The following FMN1 variants were observed in gnomAD, a reference collection of about 807,000 sequenced individuals.
The protein encoded by FMN1 is formin-1.
A neutral mutation model predicts 132.4 loss-of-function variants in FMN1; 110 were observed. The observed-to-expected ratio is 0.83, with a 90% CI of 0.71 to 0.97. The LOEUF is 0.97. FMN1 is among the 50% of genes least tolerant of loss of function. FMN1 has a pLI of 0.00. For synonymous variants in FMN1, 722 were observed against 651.7 expected (o/e 1.11, Z -1.64); for missense variants, 1,792 against 1,705.3 (o/e 1.05, Z -0.90).
At chr15:33,058,769 T>C (rs1482889681) in intron 6 of FMN1, among the ~76,000 whole-genome samples, 3 of 152,206 alleles carry the variant, frequency 2.0e-5, no homozygotes, top group Admixed American at 2.0e-4. Flanking sequence ...TAATTTTTTA[T>C]TGACAAATCA....
intron 6 of FMN1, among the ~76,000 whole-genome samples, chr15:33,019,502 G>A (rs1054602954): frequency 6.6e-6 from 1 of 152,208 alleles, no homozygotes; most frequent in African/African-American, 2.4e-5. Flanking sequence ...CCCTTGGGCG[G>A]TCGATGGGAC....
intron 15 of FMN1, among the ~76,000 whole-genome samples, chr15:32,898,060 T>C (rs1173634618): frequency 6.6e-6 from 1 of 152,100 alleles, no homozygotes; most frequent in Non-Finnish European, 1.5e-5. Context: ...GAAGAAAGTA[T>C]TATGGAGTTC....
chr15:32,852,930 C>T (rs2059042681), intron 17 of FMN1, among the ~76,000 whole-genome samples: 1 of 152,160 alleles, frequency 6.6e-6, no homozygotes, highest in South Asian at 2.1e-4. Flanking sequence ...TGTGATCTAG[C>T]CACACCAAGT....
At chr15:32,970,743 A>G (rs1367466262) in intron 7 of FMN1, 4 of 152,072 alleles carry the variant, frequency 2.6e-5, no homozygotes, top group East Asian at 1.9e-4. Flanking sequence ...TGATGTTTGC[A>G]TAGTTCAGCA....
chr15:32,984,715 C>T (rs1000468326), intron 7 of FMN1, among the ~76,000 whole-genome samples: 4 of 152,050 alleles, frequency 2.6e-5, no homozygotes, highest in Admixed American at 2.0e-4. Context: ...TAGAGAAAAG[C>T]GTGAACACAT....
At chr15:32,998,581 G>A (rs1172814556) in intron 7 of FMN1, among the ~76,000 whole-genome samples, 1 of 152,160 alleles carries the variant, frequency 6.6e-6, no homozygotes, top group Non-Finnish European at 1.5e-5. Flanking sequence ...TGGAGAGAAG[G>A]AAACACTCCC....
intron 7 of FMN1, among the ~76,000 whole-genome samples, chr15:32,990,397 A>T (rs1486668274): frequency 2.6e-5 from 4 of 152,180 alleles, no homozygotes; most frequent in African/African-American, 9.7e-5. Context: ...CTCCAGGATC[A>T]GAGCAAAGAA....
In FMN1 at chr15:32,771,831, T is replaced by C. The variant is rs1482983162; in HGVS notation, c.*2479A>G. On this transcript the variant is annotated 3_prime_UTR_variant, in exon 21 of 21. Coordinates refer to ENST00000616417, the MANE Select transcript of FMN1 (RefSeq NM_001277313.2). ...GGCCTCCAGATTATTTTAGATGAAC[T>C]TCCTTGAACAAATTGTCATTGACCT... 1.3e-5 allele frequency: 2 copies of C among 152,240 alleles called. No homozygotes were observed. Among genetic ancestry groups the C allele is most frequent in the East Asian group, 3.8e-4 (2 of 5,200 alleles). 9.4% of individuals were successfully genotyped at this position (152,240 alleles called of 1,614,324 possible).
chr15:32,918,193 CTT>C (rs2060730740), intron 10 of FMN1, among the ~76,000 whole-genome samples: 1 of 151,844 alleles, frequency 6.6e-6, no homozygotes, highest in African/African-American at 2.4e-5. Context: ...GTCTAATTTT[CTT>C]GAGTATATAA....
intron 5 of FMN1, among the ~76,000 whole-genome samples, chr15:33,066,137 G>A (rs2037713664): frequency 6.6e-6 from 1 of 152,160 alleles, no homozygotes; most frequent in South Asian, 2.1e-4. Flanking sequence ...TAGACTTTCT[G>A]CGGAGGTATA....
intron 9 of FMN1, among the ~76,000 whole-genome samples, chr15:32,956,884 C>A (rs1327790081): frequency 6.6e-6 from 1 of 152,156 alleles, no homozygotes; most frequent in African/African-American, 2.4e-5. Context: ...TTCTTCCACC[C>A]TTCTCCCCTC....
chr15:32,916,538 G>C (rs868538064), intron 10 of FMN1, among the ~76,000 whole-genome samples: 49 of 152,312 alleles, frequency 3.2e-4, no homozygotes, highest in African/African-American at 1.1e-3. Context: ...CGAAGTGTGG[G>C]AGATGCCACA....
At chr15:33,084,547 A>G (rs1324297514) in intron 5 of FMN1, among the ~76,000 whole-genome samples, 1 of 152,172 alleles carries the variant, frequency 6.6e-6, no homozygotes, top group Non-Finnish European at 1.5e-5. Flanking sequence ...TGGTGTCTAC[A>G]GGCAATTGGG....
chr15:32,823,687 T>C (rs2058293932), intron 17 of FMN1, among the ~76,000 whole-genome samples: 1 of 152,250 alleles, frequency 6.6e-6, no homozygotes, highest in South Asian at 2.1e-4. Context: ...AATTTTACTA[T>C]TATCATAAAT....
Position 32,986,081 on chromosome 15 carries a change from G to A in FMN1, c.2224-16604C>T, listed in dbSNP as rs1326132688. On this transcript the variant is annotated intron_variant, in intron 7 of 20. Transcript: ENST00000616417. The stretch of plus-strand genomic sequence containing the variant: ...CCTTGAAACAGCACCCACGATAATA[G>A]GGGTTATAGATTTATTCTTTGTGGT... Among the ~76,000 whole-genome samples the A allele has an allele frequency of 2.0e-5, 3 of 152,186 alleles. No individual in the cohort carries two copies. In the East Asian group the frequency reaches 5.8e-4, roughly 29 times the overall value.
intron 12 of FMN1, among the ~76,000 whole-genome samples, chr15:32,903,149 C>T (rs532508026): frequency 1.3e-5 from 2 of 151,864 alleles, no homozygotes; most frequent in South Asian, 4.2e-4. Flanking sequence ...ATTTATTCCA[C>T]GACTAGGTCA....
chr15:33,088,952 G>A lies in FMN1; in HGVS notation c.1890C>T (p.Pro630=). The change falls in exon 5 of 21, where the codon CCC becomes CCT. Residue 630 remains proline (P), a synonymous_variant. Transcript: ENST00000616417. ...GTGTCTGCTCATTGAAGCCGTCCCA[G>A]GGAAAGCCCTCAGAGGAGATACCTA... ...SPPGISSEGF[P]WDGFNEQTPK... is the part of the protein sequence containing the mutation. 12 of 1,535,794 alleles carry A rather than the reference G, an allele frequency of 7.8e-6. No homozygotes were observed. The highest frequency in any genetic ancestry group is 1.0e-5 in the Non-Finnish European group (12 of 1,146,782).
chr15:33,138,970 G>T (rs1963889057), intron 4 of FMN1, among the ~76,000 whole-genome samples: 2 of 152,084 alleles, frequency 1.3e-5, no homozygotes, highest in Non-Finnish European at 2.9e-5. Context: ...GGTGAATGGA[G>T]GACTAGGAGA....
rs545262350 is a variant in FMN1, at chr15:33,051,339, A to G, written c.2161+13618T>C. Among the ~76,000 whole-genome samples the G allele has an allele frequency of 2.2e-4, 33 of 152,236 alleles. 1 individual carries two copies. Among genetic ancestry groups the G allele is most frequent in the Admixed American group, 1.8e-3 (27 of 15,296 alleles). On this transcript the variant is annotated intron_variant, in intron 6 of 20. Transcript: ENST00000616417. Reference sequence around the variant, plus strand: ...GAAATGGGGGCCACATTAAAAATGGAAAGAAAAAACTAAACTGGAAGTCAG... The same window carrying G: ...GAAATGGGGGCCACATTAAAAATGGGAAGAAAAAACTAAACTGGAAGTCAG...
Sources: allele counts gnomAD v4.1 joint callset (sites outside exome capture counted in the v4.1 genomes callset), GRCh38; gene constraint gnomAD v4.1.1; transcripts MANE v1.5; gene names NCBI Gene and HGNC (gene_info 2026-07-23, HGNC 2026-07-21).